Variants in B3GALT1 observed in about 807,000 individuals in gnomAD.
The protein encoded by B3GALT1 is UDP-Gal:betaGlcNAc beta 1,3-galactosyltransferase, polypeptide 1.
B3GALT1 carries 10 observed loss-of-function variants against 23.2 expected under a neutral mutation model. The observed-to-expected ratio is 0.43, with a 90% CI of 0.27 to 0.73. B3GALT1 has a LOEUF of 0.73. B3GALT1 is among the 30% of genes least tolerant of loss of function. B3GALT1 has a pLI of 0.21. For synonymous variants in B3GALT1, 156 were observed against 141.5 expected (o/e 1.10, Z -0.73); for missense variants, 299 against 405.4 (o/e 0.74, Z 2.25).
At chr2:167,526,356 A>T (rs1287230988) in intron 2 of B3GALT1, among the ~76,000 whole-genome samples, 1 of 152,184 alleles carries the variant, frequency 6.6e-6, no homozygotes, top group Non-Finnish European at 1.5e-5. Flanking sequence ...GGGTGTGAAC[A>T]ACATGGCTGT....
chr2:167,320,777 G>A (rs1237170783), intron 1 of B3GALT1, among the ~76,000 whole-genome samples: 1 of 151,922 alleles, frequency 6.6e-6, no homozygotes, highest in Non-Finnish European at 1.5e-5. Flanking sequence ...CTGGATAAAT[G>A]GAAATTAAGC....
chr2:167,544,169 C>G (rs1683584960), intron 2 of B3GALT1, among the ~76,000 whole-genome samples: 1 of 152,178 alleles, frequency 6.6e-6, no homozygotes, highest in Non-Finnish European at 1.5e-5. Context: ...TGAAGACCTA[C>G]AGATTAAAGG....
Position 167,872,034 on chromosome 2 carries a change from TG to T in B3GALT1, c.*2017del, listed in dbSNP as rs1257548090. The T allele has an allele frequency of 4.6e-5, 7 of 150,670 alleles. No homozygotes were observed. Among genetic ancestry groups the T allele is most frequent in the Non-Finnish European group, 1.0e-4 (7 of 67,688 alleles). The allele number at this position is 150,670 out of a possible 1,614,324, so 9.3% of individuals were successfully genotyped here. On this transcript the variant is annotated 3_prime_UTR_variant, in exon 5 of 5. Transcript: ENST00000392690. ...CTCCTGCCTCAGCCTCCCGAGTAGCTGGGACTACAGGCGCCCGCCATCACGC... is the reference window on the plus strand; with the variant it reads ...CTCCTGCCTCAGCCTCCCGAGTAGCTGGACTACAGGCGCCCGCCATCACGC...
intron 1 of B3GALT1, among the ~76,000 whole-genome samples, chr2:167,358,195 C>T (rs769371369): frequency 1.3e-5 from 2 of 152,080 alleles, no homozygotes; most frequent in African/African-American, 2.4e-5. Context: ...TTAGAAAGAG[C>T]CAAAGGTCAA....
At chr2:167,528,841 A>G (rs1683268024) in intron 2 of B3GALT1, among the ~76,000 whole-genome samples, 1 of 152,036 alleles carries the variant, frequency 6.6e-6, no homozygotes, top group Non-Finnish European at 1.5e-5. Flanking sequence ...TTAGGATTCC[A>G]AGGATTCCTA....
intron 3 of B3GALT1, among the ~76,000 whole-genome samples, chr2:167,681,310 C>G (rs1360241085): frequency 1.3e-5 from 2 of 151,528 alleles, no homozygotes; most frequent in Admixed American, 1.3e-4. Flanking sequence ...TTATTTTTGC[C>G]CTATCTCTGT....
At chr2:167,580,602 T>TGAAGAAATG (rs1684466430) in intron 2 of B3GALT1, among the ~76,000 whole-genome samples, 1 of 152,162 alleles carries the variant, frequency 6.6e-6, no homozygotes, top group African/African-American at 2.4e-5. Context: ...CAGACCACTC[T>TGAAGAAATG]CTGTTGGGCC....
intron 3 of B3GALT1, among the ~76,000 whole-genome samples, chr2:167,681,672 A>G (rs1397783116): frequency 6.6e-6 from 1 of 152,250 alleles, no homozygotes; most frequent in Non-Finnish European, 1.5e-5. Flanking sequence ...AGAAAATGCT[A>G]CTTCCAATCA....
At chr2:167,308,372 T>C (rs143154446) in intron 1 of B3GALT1, among the ~76,000 whole-genome samples, 37 of 152,078 alleles carry the variant, frequency 2.4e-4, no homozygotes, top group Non-Finnish European at 3.8e-4. Context: ...CCTAGGGTAG[T>C]CTAATAAGGG....
chr2:167,673,761 T>C (rs771075790), intron 3 of B3GALT1, among the ~76,000 whole-genome samples: 12 of 152,096 alleles, frequency 7.9e-5, no homozygotes, highest in Non-Finnish European at 1.5e-4. Flanking sequence ...TTCAGAATTA[T>C]TTAGTTAGAT....
At chr2:167,510,407 G>GTT (rs35191590) in intron 2 of B3GALT1, among the ~76,000 whole-genome samples, 32 of 111,066 alleles carry the variant, frequency 2.9e-4, no homozygotes, top group Non-Finnish European at 3.9e-4. Flanking sequence ...TGCAAGTTTT[G>GTT]TTTTTTTTTT....
At chr2:167,636,897 A>G (rs1433913907) in intron 2 of B3GALT1, among the ~76,000 whole-genome samples, 2 of 151,982 alleles carry the variant, frequency 1.3e-5, no homozygotes, top group Non-Finnish European at 2.9e-5. Flanking sequence ...TGATGGGTTG[A>G]TGGGTGCAGC....
At chr2:167,503,535 C>T (rs549069845) in intron 2 of B3GALT1, among the ~76,000 whole-genome samples, 32 of 152,286 alleles carry the variant, frequency 2.1e-4, no homozygotes, top group African/African-American at 7.7e-4. Context: ...TAAATGTGAT[C>T]GCCAACCTAC....
chr2:167,710,190 A>G (rs1231624217), intron 3 of B3GALT1, among the ~76,000 whole-genome samples: 2 of 152,222 alleles, frequency 1.3e-5, no homozygotes. Context: ...AAGACTATAA[A>G]TACTCAACCA....
chr2:167,309,230 A>T (rs10193480), intron 1 of B3GALT1, among the ~76,000 whole-genome samples: 111,258 of 151,860 alleles, frequency 0.73, 42,582 homozygotes, highest in Non-Finnish European at 0.86. Context: ...GGCATTAATC[A>T]TTATTCCTCA....
chr2:167,390,251 C>G (rs889803704), intron 1 of B3GALT1, among the ~76,000 whole-genome samples: 2 of 152,190 alleles, frequency 1.3e-5, no homozygotes, highest in Admixed American at 6.5e-5. Flanking sequence ...GAAGCAAGAG[C>G]TGATAGAGTT....
intron 1 of B3GALT1, among the ~76,000 whole-genome samples, chr2:167,481,966 C>G (rs1699567640): frequency 6.6e-6 from 1 of 152,120 alleles, no homozygotes; most frequent in Non-Finnish European, 1.5e-5. Context: ...GAATAGTATA[C>G]AGAAAAACAA....
intron 1 of B3GALT1, among the ~76,000 whole-genome samples, chr2:167,358,814 A>AT (rs1208415312): frequency 6.6e-6 from 1 of 151,946 alleles, no homozygotes; most frequent in African/African-American, 2.4e-5. Flanking sequence ...AAAGTTTTTT[A>AT]TTTTTTTGAG....
intron 1 of B3GALT1, among the ~76,000 whole-genome samples, chr2:167,395,363 C>T (rs1327447536): frequency 6.6e-6 from 1 of 151,912 alleles, no homozygotes; most frequent in African/African-American, 2.4e-5. Flanking sequence ...TACAAAGAGG[C>T]ACAGGAGGAG....
Sources: allele counts gnomAD v4.1 joint callset (sites outside exome capture counted in the v4.1 genomes callset), GRCh38; gene constraint gnomAD v4.1.1; transcripts MANE v1.5; gene names NCBI Gene and HGNC (gene_info 2026-07-23, HGNC 2026-07-21).